Variants in RNF220 observed in about 807,000 individuals in gnomAD.
The protein encoded by RNF220 is ring finger protein 220.
A neutral mutation model predicts 67.1 loss-of-function variants in RNF220; 7 were observed. That is an observed-to-expected ratio of 0.10 (90% CI 0.06 to 0.20). The LOEUF (loss-of-function observed/expected upper bound fraction) is 0.20, where lower values mean the gene tolerates loss of function less well. RNF220 is among the 10% of genes least tolerant of loss of function. RNF220 has a pLI of 1.00. For synonymous variants in RNF220, 270 were observed against 283.2 expected, an observed-to-expected ratio of 0.95 and a Z score of 0.47; for missense variants, 565 against 740.3, an observed-to-expected ratio of 0.76 and a Z score of 2.75.
intron 2 of RNF220, among the ~76,000 whole-genome samples, chr1:44,583,396 C>T (rs1324120362): frequency 6.6e-6 from 1 of 152,142 alleles, no homozygotes; most frequent in Non-Finnish European, 1.5e-5. Flanking sequence ...TCACTTCTCC[C>T]ACTGACAATT....
At chr1:44,532,594 G>A (rs1248095611) in intron 2 of RNF220, among the ~76,000 whole-genome samples, 2 of 152,170 alleles carry the variant, frequency 1.3e-5, no homozygotes, top group African/African-American at 4.8e-5. Flanking sequence ...CTTATAAGAG[G>A]CCGAATTGTT....
chr1:44,458,668 G>A (rs1653446947), intron 2 of RNF220, among the ~76,000 whole-genome samples: 1 of 152,152 alleles, frequency 6.6e-6, no homozygotes, highest in Admixed American at 6.6e-5. Flanking sequence ...AGTGTTCTTA[G>A]AAACAACAGT....
chr1:44,522,436 C>G (rs1660011872), intron 2 of RNF220, among the ~76,000 whole-genome samples: 1 of 152,180 alleles, frequency 6.6e-6, no homozygotes. Flanking sequence ...TTAGAAGAAG[C>G]AGAACTCAGA....
chr1:44,643,329 C>G (rs1012996062), intron 8 of RNF220: 1 of 152,236 alleles, frequency 6.6e-6, no homozygotes, highest in African/African-American at 2.4e-5. Context: ...GTCTTAAGAG[C>G]AGCATATACA....
intron 2 of RNF220, among the ~76,000 whole-genome samples, chr1:44,513,494 A>G (rs1051560291): frequency 2.0e-5 from 3 of 152,122 alleles, no homozygotes; most frequent in African/African-American, 7.2e-5. Context: ...AAAACACACA[A>G]AACAATTTTG....
rs144265438 is a variant in RNF220, at chr1:44,420,910, C to T, written c.625+8188C>T. Among the ~76,000 whole-genome samples the T allele has an allele frequency of 2.5e-3, 388 of 152,314 alleles. 4 individuals are homozygous for T. Among genetic ancestry groups the T allele is most frequent in the Admixed American group, 0.024 (369 of 15,298 alleles). The stretch of plus-strand genomic sequence containing the variant: ...AAGGACAATCTGGTGGTAAAACCTT[C>T]CTTGTTAGAAGCATTGATGTAGCCA... On this transcript the variant is annotated intron_variant, in intron 2 of 14. Coordinates refer to ENST00000361799, the MANE Select transcript of RNF220 (RefSeq NM_018150.4).
intron 2 of RNF220, among the ~76,000 whole-genome samples, chr1:44,446,219 C>G (rs1353424240): frequency 6.6e-6 from 1 of 152,098 alleles, no homozygotes; most frequent in African/African-American, 2.4e-5. Flanking sequence ...CAAACTAGTT[C>G]AAAGTAAAAT....
chr1:44,635,201 G>C, intron 6 of RNF220: 2 of 245,196 alleles, frequency 8.2e-6, no homozygotes, highest in Admixed American at 5.0e-5. Context: ...AGAGTTCATG[G>C]TCTTGGCCTT....
chr1:44,538,580 T>G (rs1572815383), intron 2 of RNF220, among the ~76,000 whole-genome samples: 1 of 152,146 alleles, frequency 6.6e-6, no homozygotes, highest in East Asian at 1.9e-4. Context: ...CTGTCTTAAT[T>G]TCACTTTTGC....
At chr1:44,481,813 C>G (rs1655841504) in intron 2 of RNF220, among the ~76,000 whole-genome samples, 1 of 151,834 alleles carries the variant, frequency 6.6e-6, no homozygotes, top group Non-Finnish European at 1.5e-5. Flanking sequence ...GTGATCCAGG[C>G]AAAGAAAAAG....
rs551239524 is a variant in RNF220, at chr1:44,405,989, T to C, written c.-118+459T>C. The stretch of plus-strand genomic sequence containing the variant: ...GGCTCTCTGGTGCACCCCCCGGTGA[T>C]TTCCGGGCTCCCCTATGTACCCCGC... On this transcript the variant is annotated intron_variant, in intron 1 of 14. Coordinates refer to ENST00000361799, the MANE Select transcript of RNF220 (RefSeq NM_018150.4). Among the ~76,000 whole-genome samples the C allele has an allele frequency of 5.3e-5, 8 of 152,214 alleles. No homozygotes were observed. The South Asian group carries it at 1.7e-3, about 32-fold the overall frequency.
intron 2 of RNF220, among the ~76,000 whole-genome samples, chr1:44,590,664 A>G (rs1387847417): frequency 6.6e-6 from 1 of 152,130 alleles, no homozygotes; most frequent in Non-Finnish European, 1.5e-5. Flanking sequence ...GGCCATGGGG[A>G]GTGGATGCCG....
At position 44,449,341 on chromosome 1, in the gene RNF220, T is replaced by C. The variant is rs575469934; in HGVS notation, c.625+36619T>C. Among the ~76,000 whole-genome samples, 11 of 152,314 alleles carry C rather than the reference T, an allele frequency of 7.2e-5. No homozygotes were observed. The South Asian group carries it at 2.3e-3, about 32-fold the overall frequency. ...AATTGCCCCCAAAACTTCCAATTTT[T>C]CCTGTCTGGTAATGATACCATTATC... On this transcript the variant is annotated intron_variant, in intron 2 of 14. Transcript: ENST00000361799.
chr1:44,518,891 A>AC (rs937143008), intron 2 of RNF220, among the ~76,000 whole-genome samples: 10 of 148,430 alleles, frequency 6.7e-5, no homozygotes, highest in South Asian at 4.2e-4. Flanking sequence ...AAAAAAAACA[A>AC]AAAAAAAAAA....
At chr1:44,558,108 T>G (rs1177813248) in intron 2 of RNF220, among the ~76,000 whole-genome samples, 1 of 152,242 alleles carries the variant, frequency 6.6e-6, no homozygotes, top group Non-Finnish European at 1.5e-5. Flanking sequence ...CTAGGTCCTT[T>G]GCCAGAACCG....
chr1:44,539,265 C>T (rs1350102256), intron 2 of RNF220, among the ~76,000 whole-genome samples: 2 of 152,002 alleles, frequency 1.3e-5, no homozygotes, highest in Admixed American at 6.6e-5. Flanking sequence ...TATGGTTCGC[C>T]GTGAGCCCTG....
intron 2 of RNF220, among the ~76,000 whole-genome samples, chr1:44,491,662 C>CTTT (rs559101799): frequency 6.9e-6 from 1 of 145,062 alleles, no homozygotes. Context: ...GATGTCCACT[C>CTTT]TTTTTTTTTT....
chr1:44,495,726 G>A (rs1001740468), intron 2 of RNF220, among the ~76,000 whole-genome samples: 1 of 152,298 alleles, frequency 6.6e-6, no homozygotes, highest in African/African-American at 2.4e-5. Flanking sequence ...TAGCCACAGC[G>A]CCTGGCCTGA....
At chr1:44,530,970 T>TAATAA (rs756528275) in intron 2 of RNF220, among the ~76,000 whole-genome samples, 3 of 151,958 alleles carry the variant, frequency 2.0e-5, no homozygotes, top group East Asian at 1.9e-4. Flanking sequence ...CTTAAATAAA[T>TAATAA]AATAAAATAA....
Sources: allele counts gnomAD v4.1 joint callset (sites outside exome capture counted in the v4.1 genomes callset), GRCh38; gene constraint gnomAD v4.1.1; transcripts MANE v1.5; gene names NCBI Gene and HGNC (gene_info 2026-07-23, HGNC 2026-07-21).